Variants in COL27A1 observed in about 807,000 individuals in gnomAD.
COL27A1 encodes the protein collagen type XXVII alpha 1 chain.
Under a neutral mutation model 251.3 loss-of-function variants are expected in COL27A1, and 106 were observed. That is an observed-to-expected ratio of 0.42 (90% CI 0.36 to 0.50). The LOEUF (loss-of-function observed/expected upper bound fraction) is 0.50, where lower values mean the gene tolerates loss of function less well. Among genes scored for constraint, COL27A1 ranks in the 20% least tolerant of loss-of-function variants. The pLI is 0.00. For synonymous variants in COL27A1, 1,000 were observed against 986.3 expected, an observed-to-expected ratio of 1.01 and a Z score of -0.26; for missense variants, 2,325 against 2,522.8, an observed-to-expected ratio of 0.92 and a Z score of 1.68.
At chr9:114,181,655 G>T (rs1827929639) in intron 4 of COL27A1, among the ~76,000 whole-genome samples, 1 of 152,156 alleles carries the variant, frequency 6.6e-6, no homozygotes, top group African/African-American at 2.4e-5. Context: ...CCGGCTCTTA[G>T]GGCTCTATTT....
chr9:114,166,177 A>T, intron 2 of COL27A1, among the ~76,000 whole-genome samples: 1 of 149,250 alleles, frequency 6.7e-6, no homozygotes, highest in Non-Finnish European at 1.5e-5. Context: ...TCACCTGCCC[A>T]TTTATCCATC....
chr9:114,167,542 G>A (rs1848971848), intron 2 of COL27A1, 147 bp from the exon 3 acceptor site: 1 of 696,010 alleles, frequency 1.4e-6, no homozygotes. Context: ...CACCACCATG[G>A]GGCGGTGTCA....
chr9:114,254,643 C>T (rs1315132965), intron 27 of COL27A1, among the ~76,000 whole-genome samples: 1 of 152,120 alleles, frequency 6.6e-6, no homozygotes, highest in East Asian at 1.9e-4. Context: ...TGAGGAGTTC[C>T]CTGGGGTCTG....
chr9:114,178,276 T>C lies in COL27A1; in HGVS notation c.1909-15T>C, dbSNP rs1013111766. 1.1e-5 allele frequency: 18 copies of C among 1,613,054 alleles called. No individual in the cohort carries two copies. In the African/African-American group the frequency reaches 1.9e-4, roughly 17 times the overall value. On this transcript the variant is annotated splice_polypyrimidine_tract_variant and intron_variant, in intron 3 of 60. Coordinates refer to ENST00000356083, the MANE Select transcript of COL27A1 (RefSeq NM_032888.4). ...GTGGGCACTGTCTAATGCTGTCTTCTTGTTTTCTCCTCAGGGTCCCCCTGG... is the reference window on the plus strand; with the variant it reads ...GTGGGCACTGTCTAATGCTGTCTTCCTGTTTTCTCCTCAGGGTCCCCCTGG...
intron 4 of COL27A1, 31 bp downstream of exon 4, chr9:114,178,375 C>T: frequency 6.2e-7 from 1 of 1,605,878 alleles, no homozygotes; most frequent in Non-Finnish European, 8.5e-7. Context: ...CTTTGGAACT[C>T]TTGGTGGCTC....
intron 24 of COL27A1, among the ~76,000 whole-genome samples, chr9:114,246,286 G>A (rs186600325): frequency 6.6e-6 from 1 of 152,208 alleles, no homozygotes; most frequent in African/African-American, 2.4e-5. Flanking sequence ...GGCCAGAGAA[G>A]TGTTACCACT....
Position 114,265,819 on chromosome 9 carries a change from C to G in COL27A1, c.3393+344C>G. Among the ~76,000 whole-genome samples, 2 of 152,296 alleles carry G rather than the reference C, an allele frequency of 1.3e-5. 1 individual carries two copies. Among genetic ancestry groups the G allele is most frequent in the Middle Eastern group, 6.8e-3 (2 of 294 alleles). On this transcript the variant is annotated intron_variant, in intron 32 of 60. Transcript: ENST00000356083. Reference sequence around the variant, plus strand: ...GATAAGAGTAAACGAACAAGCTGACCGGGAACTGCAGAGTCCAGCATGGCT... The same window carrying G: ...GATAAGAGTAAACGAACAAGCTGACGGGGAACTGCAGAGTCCAGCATGGCT...
chr9:114,253,204 G>A (rs1219108383), intron 27 of COL27A1, among the ~76,000 whole-genome samples: 2 of 151,550 alleles, frequency 1.3e-5, no homozygotes, highest in African/African-American at 4.9e-5. Flanking sequence ...AGGTTGCAGT[G>A]AGCCAAGATC....
chr9:114,246,918 T>C lies in COL27A1; in HGVS notation c.2979+1008T>C, dbSNP rs952744286. 4.6e-4 allele frequency among the ~76,000 whole-genome samples: 69 copies of C among 151,094 alleles called. 1 individual carries two copies. The highest frequency in any genetic ancestry group is 4.1e-3 in the Admixed American group (63 of 15,200). On this transcript the variant is annotated intron_variant, in intron 24 of 60. Coordinates refer to ENST00000356083, the MANE Select transcript of COL27A1 (RefSeq NM_032888.4). Reference sequence around the variant, plus strand: ...ATCAGCAAATTCAGTTTCATAGTTATGCTAATGGTAGGGCCCTCGGGAAAT... The same window carrying C: ...ATCAGCAAATTCAGTTTCATAGTTACGCTAATGGTAGGGCCCTCGGGAAAT...
chr9:114,289,194 G>C lies in COL27A1; in HGVS notation c.4153-48G>C, dbSNP rs375780758. ...CAGGCGGAGACTGGCCACCCTCCCC[G>C]GGAGAGAATCCTGGGGCTGCCTTGC... On this transcript the variant is annotated intron_variant, in intron 44 of 60. Transcript: ENST00000356083. 8.3e-6 allele frequency: 7 copies of C among 840,764 alleles called. No homozygotes were observed. In the African/African-American group the frequency reaches 1.1e-4, roughly 14 times the overall value. 52.1% of individuals were successfully genotyped at this position (840,764 alleles called of 1,614,324 possible).
chr9:114,161,226 C>T (rs890901520), intron 1 of COL27A1, among the ~76,000 whole-genome samples: 4 of 152,146 alleles, frequency 2.6e-5, no homozygotes, highest in Admixed American at 2.0e-4. Flanking sequence ...CATATAAAGA[C>T]TTGAAGAAAA....
intron 19 of COL27A1, 90 bp from the exon 20 acceptor site, chr9:114,240,130 G>T: frequency 8.4e-7 from 1 of 1,193,454 alleles, no homozygotes; most frequent in South Asian, 1.2e-5. Context: ...AGGATGAGAT[G>T]GAAACCCGGT....
chr9:114,238,635 G>T (rs966919607), intron 19 of COL27A1, among the ~76,000 whole-genome samples: 9 of 152,214 alleles, frequency 5.9e-5, no homozygotes, highest in Non-Finnish European at 1.2e-4. Flanking sequence ...GTTGACTTTG[G>T]CCATGACACA....
At position 114,311,640 on chromosome 9, in the gene COL27A1, T is replaced by C. The variant is rs919332375; in HGVS notation, c.*945T>C. 9 of 151,636 alleles carry C rather than the reference T, an allele frequency of 5.9e-5. No individual in the cohort carries two copies. Among genetic ancestry groups the C allele is most frequent in the African/African-American group, 1.9e-4 (8 of 41,248 alleles). The allele number at this position is 151,636 out of a possible 1,614,324, so 9.4% of individuals were successfully genotyped here. A position where few individuals can be genotyped will look rare whatever the true frequency, so the allele number is the denominator to read the frequency against. ...GATTTACCATATAACTTATGGACTT[T>C]GAAATGTCTGTCCTTTTAAGGCAGC... On this transcript the variant is annotated 3_prime_UTR_variant, in exon 61 of 61. Coordinates refer to ENST00000356083, the MANE Select transcript of COL27A1 (RefSeq NM_032888.4).
In COL27A1 at chr9:114,245,882, C is replaced by G. The variant is rs1406802411; in HGVS notation, c.2951C>G (p.Pro984Arg). Residue 984 changes from proline (P) to arginine (R), a missense_variant, in exon 24 of 61, where the codon CCT (proline) becomes CGT (arginine). Physicochemically the swap from Pro to Arg is moderately radical, Grantham distance 103 (BLOSUM62 -2). Around this residue, in one of 4 missense-constraint regions of COL27A1, gnomAD observed 662 missense variants for 795.3 expected, o/e 0.83. Transcript: ENST00000356083. ...TCTTTGCAGGGGGAACCAGGGGATC[C>G]TGGTCGGCCGGGGCCTGTGGGAGAG... The part of the protein sequence containing the change: ...LDGVKGEPGD[P>R]GRPGPVGEQG... 1 of 1,613,252 alleles carries G rather than the reference C, an allele frequency of 6.2e-7. No homozygotes were observed. The highest frequency in any genetic ancestry group is 1.7e-5 in the Admixed American group (1 of 59,880).
intron 35 of COL27A1, among the ~76,000 whole-genome samples, chr9:114,270,447 G>A (rs1278034051): frequency 1.3e-5 from 2 of 152,168 alleles, no homozygotes; most frequent in South Asian, 4.1e-4. Flanking sequence ...GTGACCTCAT[G>A]TAGCCCCCAC....
chr9:114,289,071 C>A, intron 44 of COL27A1, 104 bp downstream of exon 44: 1 of 1,426,744 alleles, frequency 7.0e-7, no homozygotes, highest in Non-Finnish European at 9.7e-7. Flanking sequence ...ACCCTCCCTG[C>A]AGGAGGGTCT....
intron 53 of COL27A1, 29 bp from the exon 54 acceptor site, chr9:114,301,416 C>T (rs1828620705): frequency 6.2e-7 from 1 of 1,612,320 alleles, no homozygotes; most frequent in Non-Finnish European, 8.5e-7. Flanking sequence ...GGTTCCCTAA[C>T]TCTCTCCCCT....
At chr9:114,208,444 G>A (rs765822754) in intron 10 of COL27A1, among the ~76,000 whole-genome samples, 7 of 151,760 alleles carry the variant, frequency 4.6e-5, no homozygotes, top group Non-Finnish European at 8.8e-5. Flanking sequence ...GCAAGACTCC[G>A]TCTCAAAAAA....
Sources: allele counts gnomAD v4.1 joint callset (sites outside exome capture counted in the v4.1 genomes callset), GRCh38; gene constraint gnomAD v4.1.1; regional missense constraint gnomAD v4.1.1; transcripts MANE v1.5; gene names NCBI Gene and HGNC (gene_info 2026-07-23, HGNC 2026-07-21).